The following CPNE4 variants were observed in gnomAD, a reference collection of about 807,000 sequenced individuals.
CPNE4 encodes copine 4.
In CPNE4, 25 loss-of-function variants were observed where a neutral mutation model predicts 67.9. The ratio of observed to expected loss-of-function variants is 0.37; its 90% CI spans 0.27 to 0.51. The LOEUF is 0.51. Ranked by LOEUF, CPNE4 falls within the 20% of genes least tolerant of loss-of-function variation. The pLI is 0.93. For synonymous variants in CPNE4, 242 were observed against 244.9 expected (o/e 0.99, Z 0.11); for missense variants, 464 against 690.8 (o/e 0.67, Z 3.68).
chr3:131,535,011 C>T lies in CPNE4; in HGVS notation c.*184G>A. ...AAAAGTTAACAATACAAGGGCTTAA[C>T]AGATCCAGGCCTCAGGGCTACACAT... On this transcript the variant is annotated 3_prime_UTR_variant, in exon 16 of 16. Coordinates refer to ENST00000429747, the MANE Select transcript of CPNE4 (RefSeq NM_130808.3). 1 of 465,088 alleles carries T rather than the reference C, an allele frequency of 2.2e-6. No homozygotes were observed. The highest frequency in any genetic ancestry group is 2.0e-5 in the African/African-American group (1 of 49,984). 28.8% of individuals were successfully genotyped at this position (465,088 alleles called of 1,614,324 possible). A position where few individuals can be genotyped will look rare whatever the true frequency, so the allele number is the denominator to read the frequency against.
chr3:131,652,190 A>G (rs761617646), intron 7 of CPNE4, among the ~76,000 whole-genome samples: 1 of 152,236 alleles, frequency 6.6e-6, no homozygotes, highest in Non-Finnish European at 1.5e-5. Context: ...AGAATGAACA[A>G]CAGAGCAAGG....
intron 1 of CPNE4, among the ~76,000 whole-genome samples, chr3:131,945,700 T>C (rs1434037855): frequency 6.6e-6 from 1 of 152,180 alleles, no homozygotes; most frequent in Non-Finnish European, 1.5e-5. Context: ...TTTTTTGTAG[T>C]TATTTCCCCC....
intron 2 of CPNE4, among the ~76,000 whole-genome samples, chr3:131,801,446 G>GTATATATATA (rs1331072183): frequency 3.6e-4 from 31 of 85,202 alleles, no homozygotes; most frequent in African/African-American, 1.5e-3. Flanking sequence ...GTGTGTGTGT[G>GTATATATATA]TGTGTGTATA....
chr3:131,971,841 T>C (rs1295640534), intron 1 of CPNE4, among the ~76,000 whole-genome samples: 2 of 152,202 alleles, frequency 1.3e-5, no homozygotes, highest in Admixed American at 6.5e-5. Context: ...CAGGCAGGCA[T>C]GCCCCTCTAG....
chr3:131,669,887 G>A (rs1178001131), intron 6 of CPNE4, 123 bp from the exon 7 acceptor site: 1 of 759,520 alleles, frequency 1.3e-6, no homozygotes, highest in Non-Finnish European at 2.2e-6. Context: ...CCTGGAAGAG[G>A]TGCCTTAATA....
intron 11 of CPNE4, among the ~76,000 whole-genome samples, chr3:131,556,379 A>G (rs1199318985): frequency 6.6e-6 from 1 of 152,126 alleles, no homozygotes; most frequent in Non-Finnish European, 1.5e-5. Flanking sequence ...CTATCTCAAA[A>G]GCAAAAAACA....
upstream of CPNE4, among the ~76,000 whole-genome samples, chr3:132,038,396 G>C (rs16838414): frequency 6.6e-6 from 1 of 151,492 alleles, no homozygotes; most frequent in Non-Finnish European, 1.5e-5. Context: ...GTAACAACCT[G>C]TGCTACGAAA....
At chr3:132,005,787 G>GA (rs11424349) in intron 1 of CPNE4, among the ~76,000 whole-genome samples, 118,608 of 149,764 alleles carry the variant, frequency 0.79, 47,606 homozygotes, top group South Asian at 0.89. Flanking sequence ...GCATTTAATT[G>GA]AAAAAAAAAA....
intron 1 of CPNE4, among the ~76,000 whole-genome samples, chr3:131,920,474 C>G (rs1004526006): frequency 5.3e-5 from 8 of 152,074 alleles, no homozygotes; most frequent in African/African-American, 1.9e-4. Flanking sequence ...GTCCTAGTGG[C>G]TAAGGATCAA....
intron 1 of CPNE4, among the ~76,000 whole-genome samples, chr3:132,005,340 TATACACAC>T (rs1388617218): frequency 2.7e-3 from 74 of 27,156 alleles, no homozygotes; most frequent in South Asian, 0.011. Flanking sequence ...TATATATATA[TATACACAC>T]ACACACACAC....
intron 1 of CPNE4, among the ~76,000 whole-genome samples, chr3:131,912,504 C>T (rs2089016437): frequency 6.6e-6 from 1 of 152,122 alleles, no homozygotes; most frequent in Non-Finnish European, 1.5e-5. Flanking sequence ...ACATTTCCAT[C>T]ACAATTCAAG....
intron 10 of CPNE4, among the ~76,000 whole-genome samples, chr3:131,568,715 G>A (rs1937183713): frequency 6.6e-6 from 1 of 152,046 alleles, no homozygotes; most frequent in Non-Finnish European, 1.5e-5. Context: ...AGTGTGTGGA[G>A]CTGTTCCTGG....
chr3:131,863,080 T>C (rs867757276), intron 2 of CPNE4, among the ~76,000 whole-genome samples: 26 of 152,304 alleles, frequency 1.7e-4, no homozygotes, highest in Middle Eastern at 3.4e-3. Context: ...GGTGTATATG[T>C]GCCACATTTT....
At chr3:131,804,045 T>C (rs1372401484) in intron 2 of CPNE4, among the ~76,000 whole-genome samples, 5 of 152,182 alleles carry the variant, frequency 3.3e-5, no homozygotes, top group Non-Finnish European at 7.3e-5. Context: ...AATTAGTCTC[T>C]CTCTCTCCCT....
At chr3:131,835,643 C>T (rs928507096) in intron 2 of CPNE4, among the ~76,000 whole-genome samples, 6 of 152,124 alleles carry the variant, frequency 3.9e-5, no homozygotes, top group Admixed American at 6.5e-5. Context: ...CCACCAAGGA[C>T]GCAGTTCCCT....
At chr3:131,585,878 T>C (rs56657070) in intron 8 of CPNE4, among the ~76,000 whole-genome samples, 1,985 of 152,282 alleles carry the variant, frequency 0.013, 34 homozygotes, top group African/African-American at 0.045. Flanking sequence ...TGATGGTCTC[T>C]GGGTGTTTGA....
At chr3:131,736,348 A>G (rs13074684) in intron 2 of CPNE4, among the ~76,000 whole-genome samples, 75,014 of 151,956 alleles carry the variant, frequency 0.49, 18,620 homozygotes, top group East Asian at 0.66. Flanking sequence ...CTGTCTGGGC[A>G]TGGTGGCTCA....
intron 2 of CPNE4, among the ~76,000 whole-genome samples, chr3:131,792,925 G>GTGTA (rs58502463): frequency 1.5e-5 from 2 of 135,142 alleles, no homozygotes; most frequent in Non-Finnish European, 3.1e-5. Flanking sequence ...GTGTGTGTGT[G>GTGTA]TATCTCCAAC....
chr3:131,699,789 G>C, intron 4 of CPNE4, 120 bp downstream of exon 4: 1 of 610,250 alleles, frequency 1.6e-6, no homozygotes, highest in South Asian at 2.6e-5. Context: ...CAATAGTTCA[G>C]TAGTTGTGGC....
Sources: gnomAD v4.1 joint callset for allele counts (sites outside exome capture counted in the v4.1 genomes callset) on GRCh38, gnomAD v4.1.1 for gene constraint, MANE v1.5 for transcripts, NCBI Gene and HGNC (gene_info 2026-07-23, HGNC 2026-07-21) for gene names.